YAP1: variants seen among roughly 807,000 people sequenced by gnomAD.
The protein encoded by YAP1 is transcriptional coactivator YAP1.
A neutral mutation model predicts 56.9 loss-of-function variants in YAP1; 5 were observed. The observed-to-expected ratio is 0.09, with a 90% CI of 0.05 to 0.18. YAP1 has a LOEUF of 0.18. YAP1 is among the 10% of genes least tolerant of loss of function. YAP1 has a pLI of 1.00. For missense variants in YAP1, 539 were observed against 651.8 expected, an observed-to-expected ratio of 0.83 and a Z score of 1.88; for synonymous variants, 265 against 248.1, an observed-to-expected ratio of 1.07 and a Z score of -0.64.
At chr11:102,115,246 A>G (rs2135120025) in intron 2 of YAP1, among the ~76,000 whole-genome samples, 1 of 152,328 alleles carries the variant, frequency 6.6e-6, no homozygotes, top group East Asian at 1.9e-4. Flanking sequence ...ACTAATTATG[A>G]TAGACTGAAA....
At chr11:102,158,884 A>G (rs1039615386) in intron 2 of YAP1, among the ~76,000 whole-genome samples, 10 of 152,204 alleles carry the variant, frequency 6.6e-5, no homozygotes, top group Admixed American at 6.5e-4. Context: ...AAAATAAAAC[A>G]CACAATCAAG....
At chr11:102,195,861 A>T (rs1456579470) in intron 4 of YAP1, among the ~76,000 whole-genome samples, 1 of 152,210 alleles carries the variant, frequency 6.6e-6, no homozygotes, top group Admixed American at 6.5e-5. Context: ...AGAAGTGGGG[A>T]AAGAAGTGCA....
chr11:102,187,236 A>G (rs1948016152), intron 4 of YAP1, among the ~76,000 whole-genome samples: 1 of 152,176 alleles, frequency 6.6e-6, no homozygotes, highest in African/African-American at 2.4e-5. Context: ...AATAAATTCA[A>G]GTTTGCCCCA....
chr11:102,128,312 T>C (rs1047472944), intron 2 of YAP1, among the ~76,000 whole-genome samples: 2 of 152,166 alleles, frequency 1.3e-5, no homozygotes, highest in African/African-American at 2.4e-5. Flanking sequence ...AATTGAATTA[T>C]GGGGTCTAGT....
At chr11:102,140,616 G>A (rs1039901920) in intron 2 of YAP1, among the ~76,000 whole-genome samples, 28 of 152,082 alleles carry the variant, frequency 1.8e-4, no homozygotes, top group Admixed American at 7.9e-4. Context: ...AGGCCAAAGC[G>A]GACGGATCAC....
intron 2 of YAP1, among the ~76,000 whole-genome samples, chr11:102,116,000 A>G (rs1943262427): frequency 6.6e-6 from 1 of 152,202 alleles, no homozygotes; most frequent in Non-Finnish European, 1.5e-5. Flanking sequence ...TCTTCTTCTT[A>G]GTTCTTTGTA....
intron 5 of YAP1, among the ~76,000 whole-genome samples, chr11:102,206,757 C>T (rs1949143265): frequency 6.6e-6 from 1 of 152,214 alleles, no homozygotes; most frequent in African/African-American, 2.4e-5. Context: ...GCACAAGAAT[C>T]ACTTGAGCTT....
intron 2 of YAP1, among the ~76,000 whole-genome samples, chr11:102,132,028 G>A (rs555076861): frequency 6.6e-6 from 1 of 152,260 alleles, no homozygotes; most frequent in Non-Finnish European, 1.5e-5. Context: ...TGAGGCAGGA[G>A]AATCGCTTGA....
intron 3 of YAP1, among the ~76,000 whole-genome samples, chr11:102,180,122 G>C (rs1411705011): frequency 6.7e-6 from 1 of 148,946 alleles, no homozygotes; most frequent in Admixed American, 6.8e-5. Context: ...AGATTCTCCT[G>C]CCTCAGCCTC....
intron 1 of YAP1, chr11:102,112,419 C>A (rs964737181): frequency 1.1e-5 from 10 of 947,576 alleles, no homozygotes; most frequent in Non-Finnish European, 1.2e-5. Flanking sequence ...TTTTTTATTT[C>A]TTCTTCTTTT....
chr11:102,170,091 G>A lies in YAP1; in HGVS notation c.688+7520G>A, dbSNP rs115533608. On this transcript the variant is annotated intron_variant, in intron 3 of 8. Coordinates refer to ENST00000282441, the MANE Select transcript of YAP1 (RefSeq NM_001130145.3). ...CTGATAAAGGCACTTTCTAATCATC[G>A]CTCTTGACTTAGCTGCATAATGAAG... Among the ~76,000 whole-genome samples, 779 of 152,178 alleles carry A rather than the reference G, an allele frequency of 5.1e-3. 8 individuals are homozygous for A. Among genetic ancestry groups the A allele is most frequent in the African/African-American group, 0.018 (745 of 41,530 alleles).
intron 3 of YAP1, among the ~76,000 whole-genome samples, chr11:102,162,941 C>T (rs1946380542): frequency 6.6e-6 from 1 of 151,482 alleles, no homozygotes; most frequent in Admixed American, 6.6e-5. Context: ...GGATGGAAAG[C>T]CAAGCTATAG....
At position 102,116,420 on chromosome 11, in the gene YAP1, G is replaced by A. The variant is rs1943292286; in HGVS notation, c.572+2026G>A. Among the ~76,000 whole-genome samples the A allele has an allele frequency of 3.3e-5, 5 of 152,164 alleles. 1 individual carries two copies. The highest frequency in any genetic ancestry group is 3.3e-4 in the Admixed American group (5 of 15,270). ...CTGGAACCAATCCTTGACCACAGAT[G>A]CTAAGGAATGACTATTCATTTTTCA... On this transcript the variant is annotated intron_variant, in intron 2 of 8. Coordinates refer to ENST00000282441, the MANE Select transcript of YAP1 (RefSeq NM_001130145.3).
chr11:102,194,662 C>T (rs1013144569), intron 4 of YAP1, among the ~76,000 whole-genome samples: 1 of 152,092 alleles, frequency 6.6e-6, no homozygotes, highest in Non-Finnish European at 1.5e-5. Flanking sequence ...TGGGAACCTG[C>T]TTGCACCTGG....
chr11:102,130,504 G>C (rs1944312545), intron 2 of YAP1, among the ~76,000 whole-genome samples: 1 of 151,872 alleles, frequency 6.6e-6, no homozygotes, highest in Non-Finnish European at 1.5e-5. Context: ...TCTGGACTTA[G>C]GTGATTCTCC....
At chr11:102,111,804 CTCTT>C (rs1276549718) in intron 1 of YAP1, among the ~76,000 whole-genome samples, 1 of 152,062 alleles carries the variant, frequency 6.6e-6, no homozygotes, top group Non-Finnish European at 1.5e-5. Flanking sequence ...TAGTTTTTTG[CTCTT>C]TCTTTCCTTC....
chr11:102,144,118 A>C (rs907134301), intron 2 of YAP1, among the ~76,000 whole-genome samples: 17 of 152,226 alleles, frequency 1.1e-4, no homozygotes, highest in African/African-American at 3.6e-4. Flanking sequence ...TCAAGAGTCC[A>C]TAAGCATAGC....
rs1438455833 is a variant in YAP1 at position 102,123,656 on chromosome 11, T to C, written c.572+9262T>C. On this transcript the variant is annotated intron_variant, in intron 2 of 8. Coordinates refer to ENST00000282441, the MANE Select transcript of YAP1 (RefSeq NM_001130145.3). Reference sequence around the variant, plus strand: ...TCTTTTTTTTTTTTTCTTTTTTTTTTCGAGACACAGTCTTGCTCTGTCACC... The same window carrying C: ...TCTTTTTTTTTTTTTCTTTTTTTTTCCGAGACACAGTCTTGCTCTGTCACC... 3.5e-5 allele frequency among the ~76,000 whole-genome samples: 5 copies of C among 144,236 alleles called. No homozygotes were observed. In the South Asian group the frequency reaches 6.7e-4, roughly 19 times the overall value. The allele number at this position is 144,236 out of a possible 152,430, so 94.6% of individuals were successfully genotyped here. A position where few individuals can be genotyped will look rare whatever the true frequency, so the allele number is the denominator to read the frequency against.
chr11:102,133,677 A>G (rs1292402624), intron 2 of YAP1, among the ~76,000 whole-genome samples: 1 of 152,196 alleles, frequency 6.6e-6, no homozygotes, highest in African/African-American at 2.4e-5. Context: ...TATAATTAAG[A>G]AATAAGTTTA....
Sources: gnomAD v4.1 joint callset for allele counts (sites outside exome capture counted in the v4.1 genomes callset) on GRCh38, gnomAD v4.1.1 for gene constraint, MANE v1.5 for transcripts, NCBI Gene and HGNC (gene_info 2026-07-23, HGNC 2026-07-21) for gene names.